Variants in TUBB3 observed in about 807,000 individuals in gnomAD.
TUBB3 encodes the protein tubulin beta-3 chain.
Under a neutral mutation model 37.8 loss-of-function variants are expected in TUBB3, and 17 were observed. The ratio of observed to expected loss-of-function variants is 0.45; its 90% CI spans 0.31 to 0.67. The LOEUF (loss-of-function observed/expected upper bound fraction) is 0.67. Among genes scored for constraint, TUBB3 ranks in the 30% least tolerant of loss-of-function variants. The pLI, the probability that TUBB3 is intolerant of heterozygous loss-of-function variation, is 0.07. For synonymous variants in TUBB3, 332 were observed against 278.9 expected, an observed-to-expected ratio of 1.19 and a Z score of -1.90; for missense variants, 262 against 657.9, an observed-to-expected ratio of 0.40 and a Z score of 6.58.
intron 1 of TUBB3, among the ~76,000 whole-genome samples, chr16:89,925,385 A>C (rs2030036881): frequency 6.6e-6 from 1 of 151,384 alleles, no homozygotes; most frequent in Admixed American, 6.6e-5. Flanking sequence ...TTAGCGAAGG[A>C]GTTCAAGACC....
chr16:89,926,776 G>A (rs546300751), intron 1 of TUBB3, among the ~76,000 whole-genome samples: 1 of 152,080 alleles, frequency 6.6e-6, no homozygotes, highest in Admixed American at 6.5e-5. Flanking sequence ...GGAGTGCAGT[G>A]GCGCGATCTC....
At chr16:89,933,839 G>T in intron 3 of TUBB3, 1 of 698,096 alleles carries the variant, frequency 1.4e-6, no homozygotes, top group Non-Finnish European at 2.6e-6. Flanking sequence ...TAGAGAGCTG[G>T]TGAGACAGAA....
upstream of TUBB3, chr16:89,922,634 G>A (rs1567759954): frequency 6.6e-6 from 1 of 152,140 alleles, no homozygotes; most frequent in Non-Finnish European, 1.5e-5. Flanking sequence ...GCAGTGGCAC[G>A]TCCAGGTGCT....
Position 89,935,309 on chromosome 16 carries a change from G to T in TUBB3, c.858G>T (p.Val286=). 6.2e-7 allele frequency: 1 copy of T among 1,613,736 alleles called. No individual in the cohort carries two copies. The highest frequency in any genetic ancestry group is 1.6e-4 in the Middle Eastern group (1 of 6,062). Residue 286 remains valine (V), a synonymous_variant, in exon 4 of 4, where the codon GTG becomes GTT. Transcript: ENST00000315491. ...GCCAGCAGTACCGGGCCCTGACCGTGCCCGAGCTCACCCAGCAGATGTTCG... is the reference window on the plus strand; with the variant it reads ...GCCAGCAGTACCGGGCCCTGACCGTTCCCGAGCTCACCCAGCAGATGTTCG... The part of the protein sequence containing the change: ...RGSQQYRALT[V]PELTQQMFDA...
Position 89,933,671 on chromosome 16 carries a change from G to T in TUBB3, c.277+93G>T, listed in dbSNP as rs1159288474. The T allele has an allele frequency of 4.1e-6, 4 of 968,864 alleles. No homozygotes were observed. In the Admixed American group the frequency reaches 6.8e-5, roughly 16 times the overall value. 60.0% of individuals were successfully genotyped at this position (968,864 alleles called of 1,614,324 possible). Reference sequence around the variant, plus strand: ...GGACGGCTGTGAGAAACAAGGAATGGTCAGCTCCTCACATGATCCTGAATG... The same window carrying T: ...GGACGGCTGTGAGAAACAAGGAATGTTCAGCTCCTCACATGATCCTGAATG... On this transcript the variant is annotated intron_variant, in intron 3 of 3. Coordinates refer to ENST00000315491, the MANE Select transcript of TUBB3 (RefSeq NM_006086.4).
chr16:89,923,483 C>G, intron 1 of TUBB3, 25 bp downstream of exon 1: 1 of 1,426,396 alleles, frequency 7.0e-7, no homozygotes, highest in Non-Finnish European at 9.2e-7. Context: ...CCCGGCCTGT[C>G]CCGGGCCCCG....
intron 1 of TUBB3, among the ~76,000 whole-genome samples, chr16:89,925,528 C>T (rs543563197): frequency 2.0e-5 from 3 of 152,012 alleles, no homozygotes; most frequent in Admixed American, 1.3e-4. Context: ...CGTGGGAGGT[C>T]GAGGCTGCAA....
intron 2 of TUBB3, 66 bp downstream of exon 2, chr16:89,932,745 C>CA (rs1306923950): frequency 7.6e-7 from 1 of 1,314,378 alleles, no homozygotes; most frequent in Non-Finnish European, 1.1e-6. Context: ...TCTGACTGAC[C>CA]AGGTCTCAGC....
At chr16:89,933,447 C>A in intron 2 of TUBB3, 21 bp from the exon 3 acceptor site, 2 of 1,591,114 alleles carry the variant, frequency 1.3e-6, no homozygotes, top group Non-Finnish European at 1.7e-6. Context: ...CCCGAATCAC[C>A]GAGCCCCTCT....
At chr16:89,923,514 C>A in intron 1 of TUBB3, 56 bp downstream of exon 1, 2 of 1,343,876 alleles carry the variant, frequency 1.5e-6, no homozygotes, top group South Asian at 1.8e-5. Context: ...AGGGAGGCGC[C>A]GTGCCCCGCG....
intron 1 of TUBB3, among the ~76,000 whole-genome samples, chr16:89,930,878 A>T (rs2151091381): frequency 6.7e-6 from 1 of 149,098 alleles, no homozygotes. Flanking sequence ...CCCAGGCTGG[A>T]GTGCAATGGC....
At chr16:89,931,827 C>T in intron 1 of TUBB3, 1 of 407,764 alleles carries the variant, frequency 2.5e-6, no homozygotes, top group Non-Finnish European at 5.1e-6. Context: ...GTCCGAGAAG[C>T]ACTGCAGGCA....
intron 1 of TUBB3, among the ~76,000 whole-genome samples, chr16:89,928,121 C>T (rs2030149961): frequency 6.6e-6 from 1 of 152,076 alleles, no homozygotes; most frequent in Non-Finnish European, 1.5e-5. Context: ...CTGGCATGAT[C>T]TAGGCTCACT....
rs753163862 is a variant in TUBB3, at chr16:89,935,333, C to T, written c.882C>T (p.Phe294=). 90 of 1,613,798 alleles carry T rather than the reference C, an allele frequency of 5.6e-5. No individual in the cohort carries two copies. Among genetic ancestry groups the T allele is most frequent in the Admixed American group, 1.2e-4 (7 of 60,008 alleles). Residue 294 remains phenylalanine (F), a synonymous_variant, in exon 4 of 4, where the codon TTC becomes TTT. Coordinates refer to ENST00000315491, the MANE Select transcript of TUBB3 (RefSeq NM_006086.4). The part of the protein sequence containing the change: ...LTVPELTQQM[F]DAKNMMAACD... ...TGCCCGAGCTCACCCAGCAGATGTT[C>T]GATGCCAAGAACATGATGGCCGCCT... is the stretch of plus-strand genomic sequence containing the variant.
chr16:89,923,463 G>C lies in TUBB3; in HGVS notation c.57+5G>C. The C allele has an allele frequency of 6.7e-7, 1 of 1,490,320 alleles. No homozygotes were observed. 92.3% of individuals were successfully genotyped at this position (1,490,320 alleles called of 1,614,324 possible). On this transcript the variant is annotated splice_donor_5th_base_variant and intron_variant, in intron 1 of 3. Transcript: ENST00000315491. ...GGCAACCAGATCGGGGCCAAGGTGA[G>C]GCTGCGCGCCCCGGCCTGTCCCGGG...
chr16:89,932,188 C>G (rs916769453), intron 1 of TUBB3: 1 of 341,096 alleles, frequency 2.9e-6, no homozygotes, highest in African/African-American at 2.1e-5. Flanking sequence ...CTCTGTGTCT[C>G]AGTTCCCTTT....
At chr16:89,926,421 C>T (rs1016983018) in intron 1 of TUBB3, among the ~76,000 whole-genome samples, 4 of 152,238 alleles carry the variant, frequency 2.6e-5, no homozygotes, top group Non-Finnish European at 5.9e-5. Context: ...GCCCCTTCAT[C>T]GGGGACCCCC....
At position 89,933,246 on chromosome 16, in the gene TUBB3, GCCTGTCCTGCTCCGT is replaced by G. The variant is rs751501639; in HGVS notation, c.167-203_167-189del. The stretch of plus-strand genomic sequence containing the variant: ...TCTGGTGGACGTCTGACTGAATCCT[GCCTGTCCTGCTCCGT>G]CCTGTCCTGCTCCGTCCTTAAACAC... On this transcript the variant is annotated intron_variant, in intron 2 of 3. Coordinates refer to ENST00000315491, the MANE Select transcript of TUBB3 (RefSeq NM_006086.4). 287 of 697,088 alleles carry G rather than the reference GCCTGTCCTGCTCCGT, an allele frequency of 4.1e-4. No individual in the cohort carries two copies. In the East Asian group the frequency reaches 6.3e-3, roughly 15 times the overall value. 43.2% of individuals were successfully genotyped at this position (697,088 alleles called of 1,614,324 possible). A position where few individuals can be genotyped will look rare whatever the true frequency, so the allele number is the denominator to read the frequency against.
intron 3 of TUBB3, chr16:89,933,794 T>C (rs1267752618): frequency 1.4e-6 from 1 of 703,528 alleles, no homozygotes; most frequent in Admixed American, 2.0e-5. Flanking sequence ...TCAAGTGGAA[T>C]GAAGTGTAAA....
Sources: gnomAD v4.1 joint callset for allele counts (sites outside exome capture counted in the v4.1 genomes callset) on GRCh38, gnomAD v4.1.1 for gene constraint, MANE v1.5 for transcripts, NCBI Gene and HGNC (gene_info 2026-07-23, HGNC 2026-07-21) for gene names.